DLC1: variants seen among roughly 807,000 people sequenced by gnomAD.
The protein encoded by DLC1 is rho GTPase-activating protein 7.
A neutral mutation model predicts 140.3 loss-of-function variants in DLC1; 54 were observed. The ratio of observed to expected loss-of-function variants is 0.38; its 90% confidence interval spans 0.31 to 0.48. The LOEUF (loss-of-function observed/expected upper bound fraction) is 0.48. Ranked by LOEUF, DLC1 falls within the 20% of genes least tolerant of loss-of-function variation. DLC1 has a pLI of 0.96. For synonymous variants in DLC1, 986 were observed against 728.1 expected (o/e 1.35, Z -5.70); for missense variants, 2,536 against 1,907.0 (o/e 1.33, Z -6.14).
chr8:13,360,974 C>T (rs188947018), intron 4 of DLC1, among the ~76,000 whole-genome samples: 3 of 151,812 alleles, frequency 2.0e-5, no homozygotes, highest in Non-Finnish European at 2.9e-5. Context: ...CTCATGCCTG[C>T]GATCTCAATA....
intron 4 of DLC1, among the ~76,000 whole-genome samples, chr8:13,365,444 G>A (rs1423021394): frequency 2.0e-5 from 3 of 152,048 alleles, no homozygotes; most frequent in Non-Finnish European, 2.9e-5. Flanking sequence ...AGGATCTTCT[G>A]GAAAGTCAGG....
chr8:13,150,101 G>C (rs559023342), intron 5 of DLC1, among the ~76,000 whole-genome samples: 1 of 152,172 alleles, frequency 6.6e-6, no homozygotes, highest in African/African-American at 2.4e-5. Context: ...GCATATATGT[G>C]TGTATGTGCG....
intron 5 of DLC1, among the ~76,000 whole-genome samples, chr8:13,161,464 C>T (rs544639073): frequency 5.9e-5 from 9 of 152,228 alleles, no homozygotes; most frequent in South Asian, 2.1e-4. Context: ...CTCAGCCTCC[C>T]GGAGTAGCTG....
chr8:13,499,244 G>C lies in DLC1; in HGVS notation c.828C>G (p.Ser276Arg), dbSNP rs756639635. 2 of 1,614,090 alleles carry C rather than the reference G, an allele frequency of 1.2e-6. No homozygotes were observed. The highest frequency in any genetic ancestry group is 2.7e-5 in the African/African-American group (2 of 74,936). ...GGCAGGAAGGAGGCTGCAGAAGGCAGCTTCCAAAATCTGTTTTTAATAATG... is the reference window on the plus strand; with the variant it reads ...GGCAGGAAGGAGGCTGCAGAAGGCACCTTCCAAAATCTGTTTTTAATAATG... ...GLPLLKTDFG[S>R]CLLQPPSCPN... Residue 276 changes from serine (S) to arginine (R), a missense_variant, in exon 2 of 18, where the codon AGC becomes AGG. By Grantham distance (110) the Ser-to-Arg change is moderately radical. Transcript: ENST00000276297.
chr8:13,517,058 T>C (rs910308234), upstream of DLC1, among the ~76,000 whole-genome samples: 1 of 152,230 alleles, frequency 6.6e-6, no homozygotes, highest in Admixed American at 6.5e-5. Context: ...ACTTATAGAT[T>C]GGAAAGCAGG....
chr8:13,115,668 AC>A lies in DLC1; in HGVS notation c.1349-12del. The A allele has an allele frequency of 6.2e-7, 1 of 1,613,112 alleles. No individual in the cohort carries two copies. The highest frequency in any genetic ancestry group is 8.5e-7 in the Non-Finnish European group (1 of 1,179,684). On this transcript the variant is annotated splice_polypyrimidine_tract_variant and intron_variant, in intron 5 of 17. Coordinates refer to ENST00000276297, the MANE Select transcript of DLC1 (RefSeq NM_182643.3). ...CCTTGGCTTCAATTTCTAGAACAGA[AC>A]AGAAGAAAGACAAAATTAGCCATGT... is the stretch of plus-strand genomic sequence containing the variant.
intron 5 of DLC1, among the ~76,000 whole-genome samples, chr8:13,170,935 T>A (rs981270654): frequency 1.3e-5 from 2 of 152,164 alleles, no homozygotes; most frequent in East Asian, 3.9e-4. Flanking sequence ...CTCAAAAGTA[T>A]TGAAATCCTC....
chr8:13,182,894 G>A (rs113359319), intron 5 of DLC1, among the ~76,000 whole-genome samples: 51,366 of 151,988 alleles, frequency 0.34, 10,664 homozygotes, highest in African/African-American at 0.58. Flanking sequence ...CATTGAATCT[G>A]TAAATTAGCT....
chr8:13,249,989 G>A (rs1258456909), intron 5 of DLC1, among the ~76,000 whole-genome samples: 1 of 152,134 alleles, frequency 6.6e-6, no homozygotes, highest in Non-Finnish European at 1.5e-5. Context: ...CTCCCTTGAA[G>A]TGCTTTGGGA....
intron 7 of DLC1, among the ~76,000 whole-genome samples, chr8:13,109,366 G>T (rs1432725117): frequency 6.6e-6 from 1 of 151,772 alleles, no homozygotes; most frequent in Non-Finnish European, 1.5e-5. Flanking sequence ...AGACCAGCCT[G>T]AGCAACACAG....
intron 1 of DLC1, among the ~76,000 whole-genome samples, chr8:13,533,551 G>A (rs115251573): frequency 0.01 from 1,587 of 152,270 alleles, 30 homozygotes; most frequent in African/African-American, 0.037. Context: ...AGTAGACAAT[G>A]TTAGCTCAAT....
At chr8:13,329,244 T>C (rs1833491780) in intron 4 of DLC1, among the ~76,000 whole-genome samples, 1 of 152,186 alleles carries the variant, frequency 6.6e-6, no homozygotes, top group Non-Finnish European at 1.5e-5. Flanking sequence ...AGTATTACTT[T>C]CTGGATTTAT....
rs898702951 is a variant in DLC1 at position 13,083,971 on chromosome 8, A to G, written c.*1840T>C. On this transcript the variant is annotated 3_prime_UTR_variant, in exon 18 of 18. Transcript: ENST00000276297. ...TGCACTTATTGATTATAATCTGTAC[A>G]GATATAGAGCAAGTTATAAACCTCT... The G allele has an allele frequency of 4.6e-5, 7 of 152,596 alleles. No individual in the cohort carries two copies. The highest frequency in any genetic ancestry group is 1.0e-4 in the Non-Finnish European group (7 of 68,034). The allele number at this position is 152,596 out of a possible 1,614,324, so 9.5% of individuals were successfully genotyped here. A position where few individuals can be genotyped will look rare whatever the true frequency, so the allele number is the denominator to read the frequency against.
Position 13,582,878 on chromosome 8 carries a change from CTATATATATATATATATATATATATATA to C in DLC1, c.-126+21631_-126+21658del, listed in dbSNP as rs55681527. 1.7e-4 allele frequency among the ~76,000 whole-genome samples: 18 copies of C among 103,092 alleles called. No homozygotes were observed. In the East Asian group the frequency reaches 3.7e-3, roughly 21 times the overall value. 67.6% of individuals were successfully genotyped at this position (103,092 alleles called of 152,430 possible). On this transcript the variant is annotated intron_variant, in intron 1 of 1. Transcript: ENST00000631382. ...AGTTATGTTTACAATATACTGTGGT[CTATATATATATATATATATATATATATA>C]TATATATATATATGTGGTGTAATAG...
intron 1 of DLC1, among the ~76,000 whole-genome samples, chr8:13,566,205 A>C (rs1804421960): frequency 6.6e-6 from 1 of 152,184 alleles, no homozygotes; most frequent in East Asian, 1.9e-4. Flanking sequence ...GTGGGTATTA[A>C]GCCCTTCCTG....
intron 4 of DLC1, chr8:13,341,718 G>A (rs1365153955): frequency 6.6e-6 from 1 of 152,218 alleles, no homozygotes; most frequent in Non-Finnish European, 1.5e-5. Context: ...CTCCTGGTAT[G>A]CAGCTACTGA....
chr8:13,257,137 T>C (rs1048179680), intron 5 of DLC1, among the ~76,000 whole-genome samples: 1 of 152,056 alleles, frequency 6.6e-6, no homozygotes, highest in Non-Finnish European at 1.5e-5. Context: ...TAGTTGTCCA[T>C]GGTGGTCATG....
rs1342427888 is a variant in DLC1 at position 13,099,353 on chromosome 8, G to C, written c.2984C>G (p.Ser995Cys). 3 of 1,613,080 alleles carry C rather than the reference G, an allele frequency of 1.9e-6. No individual in the cohort carries two copies. The South Asian group carries it at 3.3e-5, about 18-fold the overall frequency. ...DSGVGASLTR[S>C]NRHRLRWHSF... ...GCAGGAGAAAAGTTCTTACCTGTTG[G>C]ACCTGGTTAGGGAAGCCCCAACCCC... Residue 995 changes from serine (S) to cysteine (C), a missense_variant, in exon 9 of 18, where the codon TCC becomes TGC. Coordinates refer to ENST00000276297, the MANE Select transcript of DLC1 (RefSeq NM_182643.3).
chr8:13,477,802 C>A (rs1192951527), intron 2 of DLC1, among the ~76,000 whole-genome samples: 1 of 151,892 alleles, frequency 6.6e-6, no homozygotes, highest in Non-Finnish European at 1.5e-5. Flanking sequence ...ACCACCCAAC[C>A]AATTTTCTTT....
Sources: gnomAD v4.1 joint callset for allele counts (sites outside exome capture counted in the v4.1 genomes callset) on GRCh38, gnomAD v4.1.1 for gene constraint, MANE v1.5 for transcripts, NCBI Gene and HGNC (gene_info 2026-07-23, HGNC 2026-07-21) for gene names.